The following MAF variants were observed in gnomAD, a reference collection of about 807,000 sequenced individuals.
The protein encoded by MAF is transcription factor Maf.
MAF carries 10 observed loss-of-function variants against 22.0 expected under a neutral mutation model. The observed-to-expected ratio is 0.45, with a 90% CI of 0.28 to 0.77. The LOEUF (loss-of-function observed/expected upper bound fraction) is 0.77, where lower values mean the gene tolerates loss of function less well. MAF is among the 30% of genes least tolerant of loss of function. The pLI is 0.12. For synonymous variants in MAF, 337 were observed against 255.8 expected (o/e 1.32, Z -3.03); for missense variants, 544 against 548.4 (o/e 0.99, Z 0.08).
At chr16:79,327,936 C>T in the MAF span, among the ~76,000 whole-genome samples, 3 of 152,330 alleles carry the variant, frequency 2.0e-5, no homozygotes, top group Non-Finnish European at 2.9e-5. Flanking sequence ...GCCAACCAGA[C>T]TTACGTGCAA....
At chr16:79,322,058 G>T in the MAF span, among the ~76,000 whole-genome samples, 6 of 152,022 alleles carry the variant, frequency 3.9e-5, no homozygotes, top group African/African-American at 1.4e-4. Flanking sequence ...ACGGCGAAAC[G>T]CCATCTCTAC....
At chr16:79,266,485 GGAAA>G in the MAF span, among the ~76,000 whole-genome samples, 1 of 152,098 alleles carries the variant, frequency 6.6e-6, no homozygotes, top group Non-Finnish European at 1.5e-5. Context: ...TCAGAAAGAT[GGAAA>G]GAAAGAAGTT....
At chr16:79,438,669 G>T in the MAF span, among the ~76,000 whole-genome samples, 1 of 152,194 alleles carries the variant, frequency 6.6e-6, no homozygotes, top group Non-Finnish European at 1.5e-5. Context: ...TGCACAGCCA[G>T]CGAGGTCGTG....
At chr16:79,439,900 C>A in the MAF span, among the ~76,000 whole-genome samples, 1 of 152,182 alleles carries the variant, frequency 6.6e-6, no homozygotes, top group Non-Finnish European at 1.5e-5. Context: ...TAACCCAGTG[C>A]ATCAGGGACT....
At chr16:79,475,752 T>A in the MAF span, among the ~76,000 whole-genome samples, 1 of 152,000 alleles carries the variant, frequency 6.6e-6, no homozygotes, top group African/African-American at 2.4e-5. Context: ...AGTGGGGGTG[T>A]GGAGTGAAGC....
chr16:79,254,029 T>G, the MAF span, among the ~76,000 whole-genome samples: 1 of 143,972 alleles, frequency 6.9e-6, no homozygotes, highest in Non-Finnish European at 1.5e-5. Context: ...TCTTTTTTTG[T>G]TTTTTTTTTT....
At chr16:79,581,692 T>C (rs1912527901), downstream of MAF, among the ~76,000 whole-genome samples, 1 of 152,220 alleles carries the variant, frequency 6.6e-6, no homozygotes. Flanking sequence ...CATTATTAGA[T>C]GATGCTTGCC....
chr16:79,598,510 C>T, intron 1 of MAF: 1 of 1,354,994 alleles, frequency 7.4e-7, no homozygotes, highest in Non-Finnish European at 9.5e-7. Flanking sequence ...ATTGGCAATC[C>T]ATGAGCCAGA....
chr16:79,549,658 T>A, the MAF span, among the ~76,000 whole-genome samples: 1 of 152,164 alleles, frequency 6.6e-6, no homozygotes, highest in Non-Finnish European at 1.5e-5. Context: ...CCCCGTTGGT[T>A]CCATTTTGTC....
At chr16:79,451,053 C>T in the MAF span, among the ~76,000 whole-genome samples, 2 of 152,134 alleles carry the variant, frequency 1.3e-5, no homozygotes, top group Non-Finnish European at 2.9e-5. Context: ...TCTGAAGTCT[C>T]ATAAAATGTG....
At chr16:79,290,013 C>A in the MAF span, among the ~76,000 whole-genome samples, 28,569 of 151,644 alleles carry the variant, frequency 0.19, 3,152 homozygotes, top group East Asian at 0.54. Flanking sequence ...CCTGCCACCA[C>A]GCCCAACTAA....
At chr16:79,310,024 C>T in the MAF span, among the ~76,000 whole-genome samples, 1 of 152,150 alleles carries the variant, frequency 6.6e-6, no homozygotes, top group African/African-American at 2.4e-5. Flanking sequence ...AAGCAGCGGT[C>T]AGTTAGCAGA....
chr16:79,565,350 T>G, the MAF span, among the ~76,000 whole-genome samples: 1 of 152,164 alleles, frequency 6.6e-6, no homozygotes, highest in Non-Finnish European at 1.5e-5. Flanking sequence ...GAAACCTAAA[T>G]GATTGACTAC....
the MAF span, among the ~76,000 whole-genome samples, chr16:79,266,235 C>A: frequency 6.6e-6 from 1 of 152,090 alleles, no homozygotes; most frequent in African/African-American, 2.4e-5. Flanking sequence ...TCACACTACT[C>A]AGAATGGCAC....
chr16:79,466,315 A>T, the MAF span, among the ~76,000 whole-genome samples: 5 of 152,198 alleles, frequency 3.3e-5, no homozygotes, highest in East Asian at 9.6e-4. Flanking sequence ...TGAATGAAGG[A>T]TGACTCATGG....
chr16:79,418,658 T>C, the MAF span, among the ~76,000 whole-genome samples: 1 of 152,176 alleles, frequency 6.6e-6, no homozygotes, highest in Non-Finnish European at 1.5e-5. Context: ...TTTTTTTCTC[T>C]CTCCTAGAAG....
the MAF span, among the ~76,000 whole-genome samples, chr16:79,441,173 C>G: frequency 6.6e-6 from 1 of 152,190 alleles, no homozygotes; most frequent in African/African-American, 2.4e-5. Flanking sequence ...CTACTTACAC[C>G]ATTGCACACA....
chr16:79,460,711 C>T, the MAF span, among the ~76,000 whole-genome samples: 1 of 152,060 alleles, frequency 6.6e-6, no homozygotes, highest in Non-Finnish European at 1.5e-5. Context: ...TATTTTGAAC[C>T]TACCTTCTAA....
the MAF span, among the ~76,000 whole-genome samples, chr16:79,330,831 T>G: frequency 7.2e-5 from 11 of 152,308 alleles, 1 homozygote; most frequent in Middle Eastern, 0.014. Flanking sequence ...TGGCTCCTGG[T>G]CACCCAGTGC....
Sources: allele counts gnomAD v4.1 joint callset (sites outside exome capture counted in the v4.1 genomes callset), GRCh38; gene constraint gnomAD v4.1.1; transcripts MANE v1.5; gene names NCBI Gene and HGNC (gene_info 2026-07-23, HGNC 2026-07-21).